FSTL1: variants seen among roughly 807,000 people sequenced by gnomAD.
The protein encoded by FSTL1 is follistatin-related protein 1.
Under a neutral mutation model 45.9 loss-of-function variants are expected in FSTL1, and 24 were observed. That is an observed-to-expected ratio of 0.52 (90% CI 0.38 to 0.74). FSTL1 has a LOEUF of 0.74. Among genes scored for constraint, FSTL1 ranks in the 30% least tolerant of loss-of-function variants. FSTL1 has a pLI of 0.00. For missense variants in FSTL1, 340 were observed against 381.8 expected (o/e 0.89, Z 0.91); for synonymous variants, 120 against 137.6 (o/e 0.87, Z 0.89).
chr3:120,441,518 T>A (rs1435818286), intron 2 of FSTL1: 1 of 152,236 alleles, frequency 6.6e-6, no homozygotes, highest in Non-Finnish European at 1.5e-5. Flanking sequence ...CCTTAAAGCA[T>A]CCACTGAAGT....
chr3:120,408,489 T>A (rs894083132), intron 6 of FSTL1, among the ~76,000 whole-genome samples: 1 of 152,192 alleles, frequency 6.6e-6, no homozygotes, highest in African/African-American at 2.4e-5. Context: ...GAAAGAGAAA[T>A]CCACAGACTA....
chr3:120,438,020 T>TG (rs1048498919), intron 2 of FSTL1, among the ~76,000 whole-genome samples: 1 of 152,122 alleles, frequency 6.6e-6, no homozygotes, highest in African/African-American at 2.4e-5. Context: ...CAGGAGCCCC[T>TG]GGATCCTGAT....
intron 10 of FSTL1, among the ~76,000 whole-genome samples, chr3:120,399,096 T>TA (rs1273112588): frequency 6.6e-6 from 1 of 152,196 alleles, no homozygotes; most frequent in African/African-American, 2.4e-5. Context: ...GTGACCATTA[T>TA]ATTCCTTAAA....
intron 2 of FSTL1, among the ~76,000 whole-genome samples, chr3:120,426,442 G>C (rs1228617245): frequency 6.6e-6 from 1 of 151,942 alleles, no homozygotes; most frequent in East Asian, 1.9e-4. Flanking sequence ...TATGGTGGAA[G>C]GCAGATGAGA....
intron 2 of FSTL1, chr3:120,438,552 T>C (rs758542744): frequency 1.3e-5 from 2 of 152,234 alleles, no homozygotes; most frequent in Non-Finnish European, 2.9e-5. Flanking sequence ...TTCAAACTGT[T>C]CTTCACTAGG....
chr3:120,409,796 G>A, intron 5 of FSTL1, 134 bp from the exon 6 acceptor site: 1 of 686,954 alleles, frequency 1.5e-6, no homozygotes, highest in Non-Finnish European at 2.4e-6. Flanking sequence ...GATAGGATTA[G>A]CACATCCAGG....
chr3:120,437,052 G>T (rs1937574522), intron 2 of FSTL1, among the ~76,000 whole-genome samples: 1 of 152,128 alleles, frequency 6.6e-6, no homozygotes, highest in Non-Finnish European at 1.5e-5. Flanking sequence ...TAGCCTCTCT[G>T]ATAGAAATTC....
intron 9 of FSTL1, among the ~76,000 whole-genome samples, chr3:120,402,236 A>G (rs1482761119): frequency 6.6e-6 from 1 of 151,816 alleles, no homozygotes; most frequent in Non-Finnish European, 1.5e-5. Context: ...CTACAAACAT[A>G]TTTTCTTTTT....
chr3:120,403,072 G>A (rs1045461551), intron 8 of FSTL1, among the ~76,000 whole-genome samples, 154 bp from the exon 9 acceptor site: 1 of 152,088 alleles, frequency 6.6e-6, no homozygotes, highest in South Asian at 2.1e-4. Flanking sequence ...TCAACCTAAA[G>A]AATGTGGGGC....
chr3:120,393,953 T>C lies in FSTL1; in HGVS notation c.*2999A>G, dbSNP rs1936638750. The C allele has an allele frequency of 6.6e-6, 1 of 152,222 alleles. No individual in the cohort carries two copies. Among genetic ancestry groups the C allele is most frequent in the Admixed American group, 6.5e-5 (1 of 15,278 alleles). 9.4% of individuals were successfully genotyped at this position (152,222 alleles called of 1,614,324 possible). ...ATCTGCTGGTACCTTGATCTTAGGC[T>C]TCCCAGCCTTCAGAACTGTGAGCAA... is the stretch of plus-strand genomic sequence containing the variant. On this transcript the variant is annotated 3_prime_UTR_variant, in exon 11 of 11. Transcript: ENST00000295633.
chr3:120,397,619 G>A (rs1026199994), intron 10 of FSTL1, among the ~76,000 whole-genome samples: 3 of 152,200 alleles, frequency 2.0e-5, no homozygotes, highest in African/African-American at 7.2e-5. Context: ...TAACAAAACC[G>A]TTGGTGAGTA....
chr3:120,413,553 A>C (rs1370299275), intron 3 of FSTL1, among the ~76,000 whole-genome samples: 1 of 152,042 alleles, frequency 6.6e-6, no homozygotes, highest in East Asian at 1.9e-4. Flanking sequence ...CTGAGTTAGA[A>C]AACTTCCTTT....
At chr3:120,446,225 T>C (rs970985442) in intron 2 of FSTL1, among the ~76,000 whole-genome samples, 1 of 152,248 alleles carries the variant, frequency 6.6e-6, no homozygotes, top group East Asian at 1.9e-4. Flanking sequence ...TGTGGCAGCA[T>C]GTGTTGCTCT....
intron 2 of FSTL1, among the ~76,000 whole-genome samples, chr3:120,420,424 A>T (rs1937257781): frequency 6.6e-6 from 1 of 152,142 alleles, no homozygotes; most frequent in Admixed American, 6.6e-5. Flanking sequence ...AAATCAGCAA[A>T]ATATCTGCCT....
rs1937012059 is a variant in FSTL1, at chr3:120,409,630, G to A, written c.364C>T (p.Arg122Ter). The A allele has an allele frequency of 8.7e-6, 14 of 1,613,946 alleles. No homozygotes were observed. The highest frequency in any genetic ancestry group is 1.1e-5 in the Non-Finnish European group (13 of 1,179,864). Reference sequence around the variant, plus strand: ...TCCAGCCACTGGATGATGCGACGTCGGAGCTCATCACGGTTGGACTGATAG... The same window carrying A: ...TCCAGCCACTGGATGATGCGACGTCAGAGCTCATCACGGTTGGACTGATAG... ...VCYQSNRDEL[R>*]RRIIQWLEAE... Residue 122 changes from arginine (R) to a stop codon, truncating the protein, a stop_gained, in exon 6 of 11, where the codon CGA becomes TGA. Transcript: ENST00000295633. LOFTEE classifies it high-confidence loss of function.
In FSTL1 at chr3:120,402,869, C is replaced by T; in HGVS notation, c.744G>A (p.Val248=). The stretch of plus-strand genomic sequence containing the variant: ...AGGCACAGACACAGCGGTTACAGTC[C>T]ACCTCGGTCTCAGCTCCATCTGCAT... The part of the protein sequence containing the change: ...ETYADGAETE[V]DCNRCVCACG... The change falls in exon 9 of 11, where the codon GTG becomes GTA. Residue 248 remains valine (V), a synonymous_variant. Coordinates refer to ENST00000295633, the MANE Select transcript of FSTL1 (RefSeq NM_007085.5). 1 of 1,613,732 alleles carries T rather than the reference C, an allele frequency of 6.2e-7. No individual in the cohort carries two copies. The highest frequency in any genetic ancestry group is 1.7e-5 in the Admixed American group (1 of 60,012).
intron 6 of FSTL1, among the ~76,000 whole-genome samples, chr3:120,406,038 G>A (rs1297559155): frequency 2.6e-5 from 4 of 152,106 alleles, no homozygotes; most frequent in Non-Finnish European, 5.9e-5. Context: ...CTAGATAGAA[G>A]GGGAAGATGT....
rs568249483 is a variant in FSTL1 at position 120,410,678 on chromosome 3, T to C, written c.331+274A>G. The C allele has an allele frequency of 4.0e-4, 231 of 573,342 alleles. 3 individuals are homozygous for C. The highest frequency in any genetic ancestry group is 3.5e-3 in the South Asian group (228 of 64,956). The allele number at this position is 573,342 out of a possible 1,614,324, so 35.5% of individuals were successfully genotyped here. A position where few individuals can be genotyped will look rare whatever the true frequency, so the allele number is the denominator to read the frequency against. On this transcript the variant is annotated intron_variant, in intron 5 of 10. Coordinates refer to ENST00000295633, the MANE Select transcript of FSTL1 (RefSeq NM_007085.5). ...ATAGGATGTTGAAAAATGAACTCAG[T>C]GGCTTTCCTGTTTATGCAGTTCAAT...
chr3:120,392,855 G>T lies in FSTL1; in HGVS notation c.*4097C>A, dbSNP rs559148626. ...TCCCCTTATTTCAGAAATAATTCAA[G>T]AGGACTGATGATAACTTGATAAAGA... is the stretch of plus-strand genomic sequence containing the variant. On this transcript the variant is annotated 3_prime_UTR_variant, in exon 11 of 11. Coordinates refer to ENST00000295633, the MANE Select transcript of FSTL1 (RefSeq NM_007085.5). 6.6e-6 allele frequency: 1 copy of T among 151,386 alleles called. No individual in the cohort carries two copies. Among genetic ancestry groups the T allele is most frequent in the East Asian group, 1.9e-4 (1 of 5,174 alleles). 9.4% of individuals were successfully genotyped at this position (151,386 alleles called of 1,614,324 possible). A position where few individuals can be genotyped will look rare whatever the true frequency, so the allele number is the denominator to read the frequency against.
Sources: gnomAD v4.1 joint callset for allele counts (sites outside exome capture counted in the v4.1 genomes callset) on GRCh38, gnomAD v4.1.1 for gene constraint, MANE v1.5 for transcripts, NCBI Gene and HGNC (gene_info 2026-07-23, HGNC 2026-07-21) for gene names.